Variants in UBASH3B observed in about 807,000 individuals in gnomAD.
UBASH3B encodes ubiquitin-associated and SH3 domain-containing protein B.
A neutral mutation model predicts 83.4 loss-of-function variants in UBASH3B; 37 were observed. That is an observed-to-expected ratio of 0.44 (90% CI 0.34 to 0.58). The LOEUF (loss-of-function observed/expected upper bound fraction) is 0.58, where lower values mean the gene tolerates loss of function less well. Among genes scored for constraint, UBASH3B ranks in the 20% least tolerant of loss-of-function variants. The pLI is 0.01. For synonymous variants in UBASH3B, 304 were observed against 318.3 expected, an observed-to-expected ratio of 0.96 and a Z score of 0.48; for missense variants, 657 against 827.2, an observed-to-expected ratio of 0.79 and a Z score of 2.52.
chr11:122,666,372 C>T (rs1863519002), intron 1 of UBASH3B, among the ~76,000 whole-genome samples: 1 of 152,182 alleles, frequency 6.6e-6, no homozygotes, highest in Non-Finnish European at 1.5e-5. Flanking sequence ...GAGTTCTCAA[C>T]CATGGCATCT....
chr11:122,774,500 A>G (rs913765516), intron 1 of UBASH3B, among the ~76,000 whole-genome samples: 15 of 152,206 alleles, frequency 9.9e-5, no homozygotes, highest in Admixed American at 2.0e-4. Context: ...CAAATGAAGA[A>G]GTTGGGTTCA....
chr11:122,765,802 C>T (rs901579788), intron 1 of UBASH3B, among the ~76,000 whole-genome samples: 1 of 152,150 alleles, frequency 6.6e-6, no homozygotes, highest in Non-Finnish European at 1.5e-5. Context: ...GACCTGGTGC[C>T]CAGGCTGCTC....
intron 1 of UBASH3B, among the ~76,000 whole-genome samples, chr11:122,725,441 C>T (rs1378056925): frequency 2.0e-5 from 3 of 151,750 alleles, no homozygotes; most frequent in South Asian, 2.1e-4. Context: ...CAACCTTAAC[C>T]GTGGTCAGGA....
intron 11 of UBASH3B, among the ~76,000 whole-genome samples, chr11:122,802,954 C>G (rs565969367): frequency 2.0e-5 from 3 of 152,140 alleles, no homozygotes; most frequent in Admixed American, 6.5e-5. Flanking sequence ...TATATTTCCT[C>G]TAGATGTGTT....
chr11:122,690,251 T>C (rs1175965155), intron 1 of UBASH3B, among the ~76,000 whole-genome samples: 2 of 135,372 alleles, frequency 1.5e-5, no homozygotes, highest in Non-Finnish European at 3.1e-5. Flanking sequence ...TATATATATA[T>C]CCAATTATAT....
chr11:122,679,918 C>A (rs1863716685), intron 1 of UBASH3B, among the ~76,000 whole-genome samples: 1 of 151,886 alleles, frequency 6.6e-6, no homozygotes, highest in African/African-American at 2.4e-5. Context: ...GCAACCTCCG[C>A]CTCCCAAGTT....
intron 1 of UBASH3B, among the ~76,000 whole-genome samples, chr11:122,755,416 T>A (rs756104271): frequency 2.0e-5 from 3 of 152,006 alleles, no homozygotes; most frequent in Non-Finnish European, 4.4e-5. Context: ...AAAGCGAGGA[T>A]CAGGTTATCG....
intron 1 of UBASH3B, among the ~76,000 whole-genome samples, chr11:122,713,665 A>G (rs1038669986): frequency 2.2e-4 from 34 of 151,536 alleles, no homozygotes; most frequent in African/African-American, 8.0e-4. Flanking sequence ...GGGGCCCTAA[A>G]GTTTATTTAT....
intron 1 of UBASH3B, among the ~76,000 whole-genome samples, chr11:122,688,626 TTTTATTTTA>T (rs1863840658): frequency 1.2e-5 from 1 of 81,412 alleles, no homozygotes. Flanking sequence ...TTTTTCTTTC[TTTTATTTTA>T]TTTTATTTTA....
In UBASH3B at chr11:122,798,997, C is replaced by T. The variant is rs1861203208; in HGVS notation, c.1413C>T (p.Ser471=). The change falls in exon 10 of 14, where the codon TCC becomes TCT. Residue 471 remains serine, a synonymous_variant. Coordinates refer to ENST00000284273, the MANE Select transcript of UBASH3B (RefSeq NM_032873.5). Reference sequence around the variant, plus strand: ...TCGATCATGTCTATTGCTCCCCGTCCCTTCGCTGCGTTCAGACTGCACACA... The same window carrying T: ...TCGATCATGTCTATTGCTCCCCGTCTCTTCGCTGCGTTCAGACTGCACACA... ...TIIDHVYCSP[S]LRCVQTAHNI... is the part of the protein sequence containing the mutation. 2.5e-6 allele frequency: 4 copies of T among 1,614,072 alleles called. No individual in the cohort carries two copies. The highest frequency in any genetic ancestry group is 3.4e-6 in the Non-Finnish European group (4 of 1,179,980).
chr11:122,712,938 C>A (rs1469194913), intron 1 of UBASH3B, among the ~76,000 whole-genome samples: 1 of 113,632 alleles, frequency 8.8e-6, no homozygotes, highest in South Asian at 3.2e-4. Flanking sequence ...AGATGGATCT[C>A]GCTCTGTCGC....
chr11:122,771,240 T>G (rs1860636711), intron 1 of UBASH3B, among the ~76,000 whole-genome samples: 1 of 151,926 alleles, frequency 6.6e-6, no homozygotes, highest in African/African-American at 2.4e-5. Flanking sequence ...TGCTTTTTTT[T>G]TTTTTTTCTG....
At chr11:122,753,764 G>A (rs1861239646) in intron 1 of UBASH3B, among the ~76,000 whole-genome samples, 1 of 151,856 alleles carries the variant, frequency 6.6e-6, no homozygotes, top group Non-Finnish European at 1.5e-5. Flanking sequence ...CAAAGTGCTG[G>A]GATTACAGGC....
chr11:122,790,667 C>T (rs975758908), intron 6 of UBASH3B, among the ~76,000 whole-genome samples: 1 of 152,072 alleles, frequency 6.6e-6, no homozygotes, highest in Non-Finnish European at 1.5e-5. Context: ...GGGTGTATGG[C>T]CAGGTGCGGT....
At chr11:122,797,179 C>G (rs542863767) in intron 9 of UBASH3B, 146 bp downstream of exon 9, 2 of 1,170,534 alleles carry the variant, frequency 1.7e-6, no homozygotes, top group Non-Finnish European at 2.4e-6. Context: ...ACTACACAAC[C>G]ATTAAGTTTA....
At chr11:122,695,214 T>C (rs1317577891) in intron 1 of UBASH3B, among the ~76,000 whole-genome samples, 1 of 152,214 alleles carries the variant, frequency 6.6e-6, no homozygotes, top group Non-Finnish European at 1.5e-5. Flanking sequence ...TCCACCCGTC[T>C]TGGCCTCCCA....
chr11:122,681,219 C>G (rs2135909211), intron 1 of UBASH3B, among the ~76,000 whole-genome samples: 1 of 152,276 alleles, frequency 6.6e-6, no homozygotes, highest in African/African-American at 2.4e-5. Context: ...CATTTGGTTT[C>G]TTATCCATAA....
At chr11:122,765,960 G>T (rs1468958018) in intron 1 of UBASH3B, among the ~76,000 whole-genome samples, 1 of 152,202 alleles carries the variant, frequency 6.6e-6, no homozygotes, top group Non-Finnish European at 1.5e-5. Context: ...CCTTACCTGA[G>T]GTATGCAGTC....
At chr11:122,751,605 C>T (rs1861200537) in intron 1 of UBASH3B, among the ~76,000 whole-genome samples, 1 of 152,350 alleles carries the variant, frequency 6.6e-6, no homozygotes, top group African/African-American at 2.4e-5. Context: ...AGGCCTCACA[C>T]AGGCAATGCT....
Sources: allele counts gnomAD v4.1 joint callset (sites outside exome capture counted in the v4.1 genomes callset), GRCh38; gene constraint gnomAD v4.1.1; transcripts MANE v1.5; gene names NCBI Gene and HGNC (gene_info 2026-07-23, HGNC 2026-07-21).